Variants in NHLRC2 observed in about 807,000 individuals in gnomAD.
NHLRC2 encodes NHL repeat-containing protein 2.
In NHLRC2, 33 loss-of-function variants were observed where a neutral mutation model predicts 68.1. The observed-to-expected ratio is 0.48, with a 90% CI of 0.37 to 0.65. The LOEUF (loss-of-function observed/expected upper bound fraction) is 0.65. Ranked by LOEUF, NHLRC2 falls within the 30% of genes least tolerant of loss-of-function variation. The pLI, the probability that NHLRC2 is intolerant of heterozygous loss-of-function variation, is 0.00. For missense variants in NHLRC2, 761 were observed against 853.8 expected, an observed-to-expected ratio of 0.89 and a Z score of 1.35; for synonymous variants, 311 against 309.6, an observed-to-expected ratio of 1.00 and a Z score of -0.05.
At chr10:113,865,936 C>G (rs1289260029) in intron 2 of NHLRC2, among the ~76,000 whole-genome samples, 2 of 152,154 alleles carry the variant, frequency 1.3e-5, no homozygotes, top group African/African-American at 4.8e-5. Flanking sequence ...TGATGTACTT[C>G]TGAATGTATC....
chr10:113,908,581 C>T lies in NHLRC2; in HGVS notation c.*45C>T. 1 of 1,598,562 alleles carries T rather than the reference C, an allele frequency of 6.3e-7. No homozygotes were observed. The highest frequency in any genetic ancestry group is 8.6e-7 in the Non-Finnish European group (1 of 1,168,172). On this transcript the variant is annotated 3_prime_UTR_variant, in exon 11 of 11. Transcript: ENST00000369301. ...CCCATTGCCACCACCTACTGTCTCC[C>T]ATCCTGACTATCACTGTAATTTAAG...
At position 113,910,815 on chromosome 10, in the gene NHLRC2, C is replaced by A. The variant is rs956206578; in HGVS notation, c.*2279C>A. ...CTTAGCTTATACTTTTCTTGACTTT[C>A]AAAATACAGTTTTATTGAACATTCT... On this transcript the variant is annotated 3_prime_UTR_variant, in exon 11 of 11. Transcript: ENST00000369301. 2.6e-5 allele frequency: 4 copies of A among 152,090 alleles called. No homozygotes were observed. Among genetic ancestry groups the A allele is most frequent in the African/African-American group, 7.2e-5 (3 of 41,428 alleles). The allele number at this position is 152,090 out of a possible 1,614,324, so 9.4% of individuals were successfully genotyped here.
intron 2 of NHLRC2, among the ~76,000 whole-genome samples, chr10:113,875,912 C>G (rs1051420283): frequency 4.5e-5 from 6 of 132,742 alleles, no homozygotes; most frequent in African/African-American, 1.6e-4. Context: ...CAGCCAAACA[C>G]TTTTTTTTTT....
rs1846231500 is a variant in NHLRC2 at position 113,901,783 on chromosome 10, T to C, written c.1257T>C (p.Ser419=). 6.2e-7 allele frequency: 1 copy of C among 1,614,064 alleles called. No individual in the cohort carries two copies. The highest frequency in any genetic ancestry group is 8.5e-7 in the Non-Finnish European group (1 of 1,179,924). The change falls in exon 7 of 11, where the codon TCT becomes TCC. Residue 419 remains serine (S), a synonymous_variant. Transcript: ENST00000369301. ...FAQPSGLSLA[S]EDPWSCLFVA... ...AACCTTCAGGCCTTTCCTTGGCCTC[T>C]GAAGATCCCTGGAGCTGCTTGTTTG... is the stretch of plus-strand genomic sequence containing the variant.
In NHLRC2 at chr10:113,913,563, G is replaced by A. The variant is rs1214901080; in HGVS notation, c.*5027G>A. On this transcript the variant is annotated 3_prime_UTR_variant, in exon 11 of 11. Transcript: ENST00000369301. The stretch of plus-strand genomic sequence containing the variant: ...AAAAGTTGTTTTAAAAGTTCTAACG[G>A]TTGGTCTTCAAAACGTAATTAAGAC... 6.6e-6 allele frequency: 1 copy of A among 152,132 alleles called. No individual in the cohort carries two copies. Among genetic ancestry groups the A allele is most frequent in the Non-Finnish European group, 1.5e-5 (1 of 68,032 alleles). 9.4% of individuals were successfully genotyped at this position (152,132 alleles called of 1,614,324 possible).
intron 2 of NHLRC2, among the ~76,000 whole-genome samples, chr10:113,872,968 C>T (rs116113683): frequency 1.5e-3 from 226 of 152,072 alleles, no homozygotes; most frequent in African/African-American, 4.9e-3. Flanking sequence ...TACCAGGTAC[C>T]GGGGGTGATT....
rs776823423 is a variant in NHLRC2 at position 113,855,040 on chromosome 10, G to A, written c.168G>A (p.Glu56=). 4 of 1,552,132 alleles carry A rather than the reference G, an allele frequency of 2.6e-6. No individual in the cohort carries two copies. The East Asian group carries it at 7.3e-5, about 28-fold the overall frequency. Residue 56 remains glutamate (E), a synonymous_variant, in exon 1 of 11, where the codon GAG becomes GAA. Transcript: ENST00000369301. ...DGWEQDLSVP[E]FPEGLEWLNT... ...GGGAGCAGGACTTGTCAGTACCCGAGTTTCCGGAAGGTGAGGGGCTGGCGT... is the reference window on the plus strand; with the variant it reads ...GGGAGCAGGACTTGTCAGTACCCGAATTTCCGGAAGGTGAGGGGCTGGCGT...
chr10:113,891,752 T>C (rs1846134464), intron 5 of NHLRC2, among the ~76,000 whole-genome samples: 1 of 152,184 alleles, frequency 6.6e-6, no homozygotes, highest in African/African-American at 2.4e-5. Context: ...TCGTTGTTAT[T>C]CTGCCCCAGG....
chr10:113,907,425 T>C (rs1846286674), intron 10 of NHLRC2, among the ~76,000 whole-genome samples: 1 of 150,798 alleles, frequency 6.6e-6, no homozygotes, highest in Non-Finnish European at 1.5e-5. Context: ...ATTTACATGG[T>C]GGGAAAGCAT....
chr10:113,886,123 A>T (rs1846080680), intron 5 of NHLRC2, among the ~76,000 whole-genome samples: 1 of 152,130 alleles, frequency 6.6e-6, no homozygotes, highest in African/African-American at 2.4e-5. Flanking sequence ...AAATTATGGA[A>T]ACAATTTCAT....
At chr10:113,900,932 T>TGTAAAA (rs1382667060) in intron 6 of NHLRC2, among the ~76,000 whole-genome samples, 1 of 152,110 alleles carries the variant, frequency 6.6e-6, no homozygotes, top group Non-Finnish European at 1.5e-5. Flanking sequence ...CACAACACAC[T>TGTAAAA]ACCATGTCTT....
At chr10:113,857,967 G>C (rs1845775586) in intron 1 of NHLRC2, among the ~76,000 whole-genome samples, 2 of 150,592 alleles carry the variant, frequency 1.3e-5, no homozygotes, top group African/African-American at 2.4e-5. Flanking sequence ...CTATTCTTAA[G>C]CTTGACCTTT....
chr10:113,855,076 G>T (rs1000276103), intron 1 of NHLRC2, 26 bp downstream of exon 1: 1 of 1,540,572 alleles, frequency 6.5e-7, no homozygotes, highest in Non-Finnish European at 8.8e-7. Context: ...CGGGGTGGGG[G>T]CCCCTCCCGG....
intron 6 of NHLRC2, among the ~76,000 whole-genome samples, chr10:113,901,347 C>G (rs1286036090): frequency 1.3e-5 from 2 of 152,142 alleles, no homozygotes; most frequent in African/African-American, 4.8e-5. Flanking sequence ...GTAAAAACAA[C>G]CTATCTCATC....
Position 113,854,907 on chromosome 10 carries a change from C to A in NHLRC2, c.35C>A (p.Ser12Tyr). 6.4e-7 allele frequency: 1 copy of A among 1,552,034 alleles called. No individual in the cohort carries two copies. The highest frequency in any genetic ancestry group is 8.7e-7 in the Non-Finnish European group (1 of 1,147,658). ...CCCGGAGGCCGGGGCCGCAGCCTCT[C>A]CGGCCTGCTCCCCGCGCAGACCTCG... ...AAPGGRGRSL[S>Y]GLLPAQTSLE... Residue 12 changes from serine (S) to tyrosine (Y), a missense_variant, in exon 1 of 11, where the codon TCC (serine) becomes TAC (tyrosine). Ser to Tyr is a moderately radical substitution (Grantham distance 144). Transcript: ENST00000369301.
intron 2 of NHLRC2, among the ~76,000 whole-genome samples, chr10:113,860,470 G>C (rs17702348): frequency 0.39 from 59,384 of 151,928 alleles, 13,526 homozygotes; most frequent in Middle Eastern, 0.54. Context: ...AGAATTCACT[G>C]TCAGTTTCAA....
In NHLRC2 at chr10:113,866,743, C is replaced by T. The variant is rs148990059; in HGVS notation, c.331+8063C>T. On this transcript the variant is annotated intron_variant, in intron 2 of 10. Transcript: ENST00000369301. ...CTCAAACCTCGCCTGCCCGCCTCCC[C>T]GCCTCCACCCCCGGCTCCTTCACCA... Among the ~76,000 whole-genome samples the T allele has an allele frequency of 3.6e-4, 55 of 151,958 alleles. No homozygotes were observed. In the East Asian group the frequency reaches 7.2e-3, roughly 20 times the overall value.
chr10:113,905,529 T>G (rs1274116970), intron 10 of NHLRC2, among the ~76,000 whole-genome samples: 2 of 152,208 alleles, frequency 1.3e-5, no homozygotes, highest in Non-Finnish European at 2.9e-5. Context: ...AGTATACTGC[T>G]TGCCTTGCAG....
chr10:113,901,607 AACTAAATTGC>A, intron 6 of NHLRC2, 49 bp from the exon 7 acceptor site: 2 of 1,030,632 alleles, frequency 1.9e-6, no homozygotes, highest in South Asian at 2.8e-5. Flanking sequence ...TTTATTTAAG[AACTAAATTGC>A]ACACAATATA....
Sources: allele counts gnomAD v4.1 joint callset (sites outside exome capture counted in the v4.1 genomes callset), GRCh38; gene constraint gnomAD v4.1.1; transcripts MANE v1.5; gene names NCBI Gene and HGNC (gene_info 2026-07-23, HGNC 2026-07-21).